Variants in ZNF519 observed in about 807,000 individuals in gnomAD.
ZNF519 encodes zinc finger protein 519, also known as similar to Zinc finger protein 85 (Zinc finger protein HPF4) (HTF1).
ZNF519 carries 7 observed loss-of-function variants against 7.4 expected under a neutral mutation model. The observed-to-expected ratio is 0.94, with a 90% CI of 0.54 to 1.77. The LOEUF (loss-of-function observed/expected upper bound fraction) is 1.77, where lower values mean the gene tolerates loss of function less well. Ranked by LOEUF, ZNF519 falls within the 40% of genes most tolerant of loss-of-function variation. ZNF519 has a pLI of 0.00. For synonymous variants in ZNF519, 179 were observed against 203.3 expected (o/e 0.88, Z 1.02); for missense variants, 586 against 623.1 (o/e 0.94, Z 0.63).
chr18:14,089,570 AAC>A (rs1395614621), intron 2 of ZNF519, among the ~76,000 whole-genome samples: 1 of 152,182 alleles, frequency 6.6e-6, no homozygotes, highest in African/African-American at 2.4e-5. Context: ...AATGTATGTT[AAC>A]AGAAATCAAA....
At chr18:14,114,538 G>A (rs938781382) in intron 2 of ZNF519, among the ~76,000 whole-genome samples, 11 of 152,106 alleles carry the variant, frequency 7.2e-5, no homozygotes, top group Non-Finnish European at 1.6e-4. Flanking sequence ...ATCATTTACA[G>A]TCAAATACTA....
At chr18:14,128,323 T>C (rs1330060091) in intron 1 of ZNF519, among the ~76,000 whole-genome samples, 4 of 121,976 alleles carry the variant, frequency 3.3e-5, no homozygotes, top group Non-Finnish European at 6.9e-5. Context: ...CTCTCCACCA[T>C]AACAGAACAG....
At chr18:14,098,772 G>A (rs918610179), downstream of ZNF519, among the ~76,000 whole-genome samples, 4 of 152,110 alleles carry the variant, frequency 2.6e-5, no homozygotes, top group East Asian at 1.9e-4. Context: ...TTAACCTCGG[G>A]ACCTATTTAT....
chr18:14,117,441 T>C (rs957127128), intron 2 of ZNF519, among the ~76,000 whole-genome samples: 2 of 152,150 alleles, frequency 1.3e-5, no homozygotes, highest in African/African-American at 2.4e-5. Context: ...GTCAAGAGCA[T>C]AGAGGAATTG....
At chr18:14,113,928 G>A (rs1163279886) in intron 2 of ZNF519, among the ~76,000 whole-genome samples, 2 of 152,006 alleles carry the variant, frequency 1.3e-5, no homozygotes, top group African/African-American at 2.4e-5. Flanking sequence ...ACTGTTATTC[G>A]TATGCCCTCT....
chr18:14,081,846 T>C (rs2143081082), intron 3 of ZNF519, among the ~76,000 whole-genome samples: 1 of 152,292 alleles, frequency 6.6e-6, no homozygotes, highest in African/African-American at 2.4e-5. Context: ...AACGTGTTTT[T>C]CTGAAGCCTA....
chr18:14,094,101 C>G (rs768625841), intron 2 of ZNF519, among the ~76,000 whole-genome samples: 19 of 152,116 alleles, frequency 1.2e-4, no homozygotes, highest in Non-Finnish European at 5.9e-5. Context: ...TACAGGAAGT[C>G]CTCAAATATC....
intron 2 of ZNF519, chr18:14,090,350 C>G (rs2046109407): frequency 6.6e-6 from 1 of 152,174 alleles, no homozygotes; most frequent in African/African-American, 2.4e-5. Flanking sequence ...GGGCAAAGAC[C>G]ACCATCTCAA....
At chr18:14,130,906 C>T (rs2046326360) in intron 1 of ZNF519, among the ~76,000 whole-genome samples, 1 of 151,786 alleles carries the variant, frequency 6.6e-6, no homozygotes, top group East Asian at 1.9e-4. Context: ...AAGGGTAAGC[C>T]TGGATATTTC....
chr18:14,085,614 G>A (rs539426650), intron 2 of ZNF519, among the ~76,000 whole-genome samples: 1 of 152,190 alleles, frequency 6.6e-6, no homozygotes, highest in East Asian at 1.9e-4. Context: ...GAAGAAGGTA[G>A]GAAGGACAGA....
chr18:14,120,714 T>C (rs531413039), intron 2 of ZNF519, among the ~76,000 whole-genome samples: 58 of 152,006 alleles, frequency 3.8e-4, no homozygotes, highest in Non-Finnish European at 7.5e-4. Context: ...TATTCAAAAA[T>C]AGACAAAAGA....
intron 2 of ZNF519, chr18:14,090,761 G>C (rs1412734556): frequency 6.6e-6 from 1 of 152,218 alleles, no homozygotes; most frequent in African/African-American, 2.4e-5. Context: ...AAGAAGACTG[G>C]AGATCCCGGA....
Position 14,106,412 on chromosome 18 carries a change from G to A in ZNF519, c.131-3C>T. 1 of 1,558,060 alleles carries A rather than the reference G, an allele frequency of 6.4e-7. No homozygotes were observed. Among genetic ancestry groups the A allele is most frequent in the South Asian group, 1.2e-5 (1 of 81,764 alleles). ...TTGGTTGTAATAAGAATACACAGCTGAAAGAAGTAAAAATAACTAATTATT... is the reference window on the plus strand; with the variant it reads ...TTGGTTGTAATAAGAATACACAGCTAAAAGAAGTAAAAATAACTAATTATT... On this transcript the variant is annotated splice_polypyrimidine_tract_variant and splice_region_variant and intron_variant, in intron 2 of 2. Coordinates refer to ENST00000590202, the MANE Select transcript of ZNF519 (RefSeq NM_145287.4).
chr18:14,099,755 G>A (rs1256744249), downstream of ZNF519, among the ~76,000 whole-genome samples: 1 of 152,068 alleles, frequency 6.6e-6, no homozygotes, highest in Non-Finnish European at 1.5e-5. Context: ...TGTGCAAAAA[G>A]GTCTACAAGT....
chr18:14,106,281 T>C lies in ZNF519; in HGVS notation c.259A>G (p.Ser87Gly), dbSNP rs2046191788. 4 of 1,613,436 alleles carry C rather than the reference T, an allele frequency of 2.5e-6. No homozygotes were observed. In the East Asian group the frequency reaches 8.9e-5, roughly 36 times the overall value. ...ENICLWKNWE[S>G]IGEGEGQKEC... The stretch of plus-strand genomic sequence containing the variant: ...TTTTGTCCTTCACCTTCACCTATAC[T>C]TTCCCAGTTTTTCCATAAGCATATA... The change falls in exon 3 of 3, where the codon AGT (serine) becomes GGT (glycine). Residue 87 changes from serine to glycine, a missense_variant. Transcript: ENST00000590202.
chr18:14,131,840 C>T (rs2846964), intron 1 of ZNF519, among the ~76,000 whole-genome samples: 1 of 152,120 alleles, frequency 6.6e-6, no homozygotes, highest in African/African-American at 2.4e-5. Flanking sequence ...AGTAGCCCCC[C>T]AACCACAAAC....
intron 2 of ZNF519, among the ~76,000 whole-genome samples, chr18:14,119,960 G>GA (rs144798815): frequency 0.022 from 3,365 of 152,176 alleles, 126 homozygotes; most frequent in African/African-American, 0.074. Context: ...TATTCCATTG[G>GA]ATAATTAATA....
At position 14,104,693 on chromosome 18, in the gene ZNF519, G is replaced by A; in HGVS notation, c.*224C>T. Reference sequence around the variant, plus strand: ...ACAATTTAATTATCTAATTGAGTTTGAATTATTTGTTATAATAAACACACT... The same window carrying A: ...ACAATTTAATTATCTAATTGAGTTTAAATTATTTGTTATAATAAACACACT... On this transcript the variant is annotated 3_prime_UTR_variant, in exon 3 of 3. Transcript: ENST00000590202. 4.9e-6 allele frequency: 2 copies of A among 408,772 alleles called. No individual in the cohort carries two copies. Among genetic ancestry groups the A allele is most frequent in the Non-Finnish European group, 8.5e-6 (2 of 234,834 alleles). The allele number at this position is 408,772 out of a possible 1,614,324, so 25.3% of individuals were successfully genotyped here.
At chr18:14,124,549 T>A (rs986609699) in intron 1 of ZNF519, 73 bp from the exon 2 acceptor site, 5 of 1,526,708 alleles carry the variant, frequency 3.3e-6, no homozygotes, top group Non-Finnish European at 4.5e-6. Flanking sequence ...TAACTAGTTC[T>A]GACTTATGTG....
Sources: allele counts gnomAD v4.1 joint callset (sites outside exome capture counted in the v4.1 genomes callset), GRCh38; gene constraint gnomAD v4.1.1; transcripts MANE v1.5; gene names NCBI Gene and HGNC (gene_info 2026-07-23, HGNC 2026-07-21).